The following NKAIN3 variants were observed in gnomAD, a reference collection of about 807,000 sequenced individuals.
The protein encoded by NKAIN3 is sodium/potassium-transporting ATPase subunit beta-1-interacting protein 3.
NKAIN3 carries 25 observed loss-of-function variants against 30.2 expected under a neutral mutation model. The observed-to-expected ratio is 0.83, with a 90% CI of 0.60 to 1.16. NKAIN3 has a LOEUF of 1.16. NKAIN3 is among the 50% of genes most tolerant of loss of function. The pLI, the probability that NKAIN3 is intolerant of heterozygous loss-of-function variation, is 0.00. For missense variants in NKAIN3, 225 were observed against 254.1 expected (o/e 0.89, Z 0.78); for synonymous variants, 91 against 89.6 (o/e 1.02, Z -0.09).
chr8:62,713,778 T>A (rs1461433589), intron 3 of NKAIN3, among the ~76,000 whole-genome samples: 1 of 152,188 alleles, frequency 6.6e-6, no homozygotes, highest in Non-Finnish European at 1.5e-5. Context: ...ATTCTATTAC[T>A]AAATTTAATA....
intron 1 of NKAIN3, among the ~76,000 whole-genome samples, chr8:62,359,536 G>A (rs1041716514): frequency 1.3e-5 from 2 of 152,168 alleles, no homozygotes; most frequent in Admixed American, 6.5e-5. Flanking sequence ...TTTGGTCCAA[G>A]GGAAGAGGAC....
At chr8:62,394,835 C>G (rs1008206962) in intron 1 of NKAIN3, among the ~76,000 whole-genome samples, 4 of 145,590 alleles carry the variant, frequency 2.7e-5, no homozygotes, top group South Asian at 4.4e-4. Flanking sequence ...GGCGGCCAAG[C>G]AGAGGCGCTG....
intron 3 of NKAIN3, among the ~76,000 whole-genome samples, chr8:62,667,379 AT>A (rs1813158218): frequency 1.4e-5 from 2 of 145,268 alleles, no homozygotes; most frequent in Admixed American, 6.9e-5. Context: ...ATATATAAAT[AT>A]ATATATATAT....
intron 1 of NKAIN3, among the ~76,000 whole-genome samples, chr8:62,297,323 G>T (rs1813867137): frequency 6.6e-6 from 1 of 152,022 alleles, no homozygotes; most frequent in African/African-American, 2.4e-5. Flanking sequence ...TTGACAAATG[G>T]GATCTAATTA....
Position 62,973,624 on chromosome 8 carries a change from C to CT in NKAIN3, c.*8218dup, listed in dbSNP as rs1448290200. On this transcript the variant is annotated 3_prime_UTR_variant, in exon 7 of 7. Transcript: ENST00000623646. Reference sequence around the variant, plus strand: ...TCCCATTCTGTAGGTTGCCTGTTCACTCTGATAATAGTTTCTTTTGCTGCA... The same window carrying CT: ...TCCCATTCTGTAGGTTGCCTGTTCACTTCTGATAATAGTTTCTTTTGCTGCA... Among the ~76,000 whole-genome samples the CT allele has an allele frequency of 6.6e-6, 1 of 152,074 alleles. No individual in the cohort carries two copies. Among genetic ancestry groups the CT allele is most frequent in the African/African-American group, 2.4e-5 (1 of 41,418 alleles).
chr8:62,508,941 T>A (rs1807730511), intron 1 of NKAIN3, among the ~76,000 whole-genome samples: 2 of 136,950 alleles, frequency 1.5e-5, no homozygotes, highest in Middle Eastern at 3.8e-3. Flanking sequence ...TAAAACAGTG[T>A]CTTTTGGGAA....
intron 4 of NKAIN3, among the ~76,000 whole-genome samples, chr8:62,801,132 G>A (rs1469934408): frequency 6.6e-6 from 1 of 152,220 alleles, no homozygotes; most frequent in East Asian, 1.9e-4. Context: ...ACTGGGTGGA[G>A]CCCACCACAG....
chr8:62,548,312 A>G (rs903948173), intron 1 of NKAIN3, among the ~76,000 whole-genome samples: 6 of 152,222 alleles, frequency 3.9e-5, no homozygotes, highest in Admixed American at 3.3e-4. Context: ...TGAACAAGAG[A>G]TATAATACTT....
At chr8:62,851,113 G>C (rs1174070719) in intron 4 of NKAIN3, among the ~76,000 whole-genome samples, 1 of 152,016 alleles carries the variant, frequency 6.6e-6, no homozygotes, top group Non-Finnish European at 1.5e-5. Flanking sequence ...CCATTTGCTT[G>C]TATCCTCTTT....
chr8:62,812,365 A>G (rs935823327), intron 4 of NKAIN3, among the ~76,000 whole-genome samples: 24 of 151,892 alleles, frequency 1.6e-4, no homozygotes, highest in African/African-American at 5.8e-4. Flanking sequence ...TGTCAACAAA[A>G]TCCCTGATGG....
chr8:62,261,505 G>C (rs1007220392), intron 1 of NKAIN3, among the ~76,000 whole-genome samples: 12 of 152,168 alleles, frequency 7.9e-5, no homozygotes, highest in African/African-American at 2.9e-4. Context: ...AGGAAAGCTG[G>C]ACTTACTCCA....
At position 62,971,848 on chromosome 8, in the gene NKAIN3, T is replaced by C. The variant is rs16930012; in HGVS notation, c.*6441T>C. 0.02 allele frequency among the ~76,000 whole-genome samples: 3,100 copies of C among 152,238 alleles called. 93 individuals are homozygous for C. Among genetic ancestry groups the C allele is most frequent in the African/African-American group, 0.066 (2,754 of 41,530 alleles). ...ATCATCAAGTATGTGAAATGAGAAT[T>C]TCTGCCTCATCTTGTTTCCTTATCT... On this transcript the variant is annotated 3_prime_UTR_variant, in exon 7 of 7. Transcript: ENST00000623646.
intron 1 of NKAIN3, among the ~76,000 whole-genome samples, chr8:62,571,628 G>A (rs185253398): frequency 3.1e-4 from 47 of 152,168 alleles, no homozygotes; most frequent in African/African-American, 8.4e-4. Context: ...TGAGGGCCCC[G>A]CCACTGCAGC....
At chr8:62,863,513 T>C (rs1041396266) in intron 4 of NKAIN3, 11 of 1,460,248 alleles carry the variant, frequency 7.5e-6, no homozygotes, top group Admixed American at 1.7e-5. Context: ...GAGGCCTTGA[T>C]AGTTGAACTT....
intron 2 of NKAIN3, 67 bp downstream of exon 2, chr8:62,579,743 A>G (rs1810235153): frequency 1.0e-6 from 1 of 956,020 alleles, no homozygotes; most frequent in Admixed American, 3.9e-5. Flanking sequence ...ATATAAATAA[A>G]ATATTTCTAA....
intron 3 of NKAIN3, among the ~76,000 whole-genome samples, chr8:62,704,087 A>G (rs942182843): frequency 6.6e-6 from 1 of 152,164 alleles, no homozygotes; most frequent in African/African-American, 2.4e-5. Context: ...TTTATTGCTC[A>G]TTCAGTTCCC....
chr8:62,468,639 A>C (rs1378527948), intron 1 of NKAIN3, among the ~76,000 whole-genome samples: 4 of 152,252 alleles, frequency 2.6e-5, no homozygotes, highest in Non-Finnish European at 5.9e-5. Flanking sequence ...CCATTTGCTA[A>C]AAGTGAAAAA....
chr8:62,991,491 A>T (rs2130933530), intron 5 of NKAIN3, among the ~76,000 whole-genome samples: 1 of 152,356 alleles, frequency 6.6e-6, no homozygotes, highest in Middle Eastern at 3.4e-3. Context: ...TACAGATATC[A>T]ATGCAGAGCA....
chr8:62,252,365 T>A (rs921676680), intron 1 of NKAIN3, among the ~76,000 whole-genome samples: 83 of 152,254 alleles, frequency 5.5e-4, no homozygotes, highest in African/African-American at 1.9e-3. Context: ...CTTTTCGTTA[T>A]CTTATTCCCA....
Sources: gnomAD v4.1 joint callset for allele counts (sites outside exome capture counted in the v4.1 genomes callset) on GRCh38, gnomAD v4.1.1 for gene constraint, MANE v1.5 for transcripts, NCBI Gene and HGNC (gene_info 2026-07-23, HGNC 2026-07-21) for gene names.